Variants in GADL1 observed in about 807,000 individuals in gnomAD.
GADL1 encodes the protein GAD like acidic amino acid decarboxylase 1.
A neutral mutation model predicts 69.5 loss-of-function variants in GADL1; 71 were observed. The observed-to-expected ratio is 1.02, with a 90% CI of 0.84 to 1.25. The LOEUF is 1.25. Among genes scored for constraint, GADL1 ranks in the 50% most tolerant of loss-of-function variants. GADL1 has a pLI of 0.00. For missense variants in GADL1, 737 were observed against 631.8 expected (o/e 1.17, Z -1.79); for synonymous variants, 254 against 214.4 (o/e 1.18, Z -1.62).
intron 14 of GADL1, among the ~76,000 whole-genome samples, chr3:30,767,337 A>G (rs762624621): frequency 6.6e-6 from 1 of 152,202 alleles, no homozygotes; most frequent in Non-Finnish European, 1.5e-5. Context: ...CAAAAGATCC[A>G]GGAGGATAGA....
chr3:30,810,051 TGC>T (rs1697322890), intron 11 of GADL1, among the ~76,000 whole-genome samples: 1 of 152,226 alleles, frequency 6.6e-6, no homozygotes, highest in Non-Finnish European at 1.5e-5. Flanking sequence ...GTGAACAGTC[TGC>T]CCTGTTCTCT....
At chr3:30,853,285 C>T (rs78191180) in intron 4 of GADL1, among the ~76,000 whole-genome samples, 1 of 152,128 alleles carries the variant, frequency 6.6e-6, no homozygotes, top group African/African-American at 2.4e-5. Context: ...GCATGGGGCA[C>T]AGCCACAGAA....
At chr3:30,756,948 G>C (rs549721884) in intron 14 of GADL1, among the ~76,000 whole-genome samples, 11 of 152,276 alleles carry the variant, frequency 7.2e-5, no homozygotes, top group African/African-American at 2.6e-4. Flanking sequence ...GAGTCCATGG[G>C]GGGGACATGT....
chr3:30,822,451 A>C (rs1030435390), intron 11 of GADL1, among the ~76,000 whole-genome samples: 3 of 152,054 alleles, frequency 2.0e-5, no homozygotes, highest in African/African-American at 7.2e-5. Flanking sequence ...AAATATTCTC[A>C]AGCTTCTTTA....
intron 14 of GADL1, among the ~76,000 whole-genome samples, chr3:30,736,233 A>G (rs2125470770): frequency 6.6e-6 from 1 of 152,224 alleles, no homozygotes; most frequent in African/African-American, 2.4e-5. Flanking sequence ...GTCCCAGTTC[A>G]GATGATAAAC....
At chr3:30,814,899 G>A (rs142796928) in intron 11 of GADL1, among the ~76,000 whole-genome samples, 1,567 of 151,632 alleles carry the variant, frequency 0.01, 17 homozygotes, top group Non-Finnish European at 0.013. Context: ...GGGAGGCGGA[G>A]ATTTCAATGA....
rs1698718759 is a variant in GADL1, at chr3:30,886,967, ATCATC to A, written c.37+7606_37+7610del. On this transcript the variant is annotated intron_variant, in intron 1 of 14. Transcript: ENST00000282538. ...GAGCCAGTGCTAAGTGTTTACAGGT[ATCATC>A]TCATGTCATCTTCACCACTACTCTG... Among the ~76,000 whole-genome samples, 3 of 152,190 alleles carry A rather than the reference ATCATC, an allele frequency of 2.0e-5. No individual in the cohort carries two copies. In the South Asian group the frequency reaches 6.2e-4, roughly 31 times the overall value.
rs561881761 is a variant in GADL1, at chr3:30,809,346, A to G, written c.1051-8258T>C. ...AGCTTGGAGAGAGAACTTATTTTTTATAAAGGGTCACAATTATTTTTTGAA... is the reference window on the plus strand; with the variant it reads ...AGCTTGGAGAGAGAACTTATTTTTTGTAAAGGGTCACAATTATTTTTTGAA... On this transcript the variant is annotated intron_variant, in intron 11 of 14. Transcript: ENST00000282538. Among the ~76,000 whole-genome samples the G allele has an allele frequency of 3.3e-5, 5 of 152,302 alleles. No homozygotes were observed. In the East Asian group the frequency reaches 7.7e-4, roughly 23 times the overall value.
intron 14 of GADL1, among the ~76,000 whole-genome samples, chr3:30,752,241 G>A (rs963361291): frequency 6.6e-6 from 1 of 152,158 alleles, no homozygotes; most frequent in South Asian, 2.1e-4. Context: ...ACTTAAGGGA[G>A]GCTAGATCCA....
chr3:30,764,487 GTAGT>G (rs2125487689), intron 14 of GADL1, among the ~76,000 whole-genome samples: 1 of 152,294 alleles, frequency 6.6e-6, no homozygotes, highest in South Asian at 2.1e-4. Context: ...AGAGCCAAGT[GTAGT>G]TACATTTTCT....
rs968840029 is a variant in GADL1 at position 30,844,150 on chromosome 3, C to T, written c.786+60G>A. On this transcript the variant is annotated intron_variant, in intron 8 of 14. Coordinates refer to ENST00000282538, the MANE Select transcript of GADL1 (RefSeq NM_207359.3). ...CTTGCTATTCCCTCTCTTTCATAAG[C>T]GCGCGGGCGTGCGCGCACACACACA... 18 of 1,310,446 alleles carry T rather than the reference C, an allele frequency of 1.4e-5. 1 individual carries two copies. Among genetic ancestry groups the T allele is most frequent in the South Asian group, 2.7e-5 (2 of 75,210 alleles). The allele number at this position is 1,310,446 out of a possible 1,614,324, so 81.2% of individuals were successfully genotyped here. A position where few individuals can be genotyped will look rare whatever the true frequency, so the allele number is the denominator to read the frequency against.
chr3:30,742,479 C>T (rs1258586625), intron 14 of GADL1, among the ~76,000 whole-genome samples: 6 of 152,006 alleles, frequency 3.9e-5, no homozygotes, highest in Admixed American at 3.9e-4. Flanking sequence ...CAACTTTGTA[C>T]ATCTACTGCA....
chr3:30,800,886 TA>T lies in GADL1; in HGVS notation c.1250+2del. 1 of 1,568,036 alleles carries T rather than the reference TA, an allele frequency of 6.4e-7. No individual in the cohort carries two copies. The highest frequency in any genetic ancestry group is 2.3e-5 in the East Asian group (1 of 43,394). ...AGAGAGAGAGAGAGAGAGAGGCTAG[TA>T]CCTAGATAAAGCAAGAGCACGATTA... On this transcript the variant is annotated splice_donor_variant, in intron 12 of 14. Coordinates refer to ENST00000282538, the MANE Select transcript of GADL1 (RefSeq NM_207359.3). LOFTEE classifies it high-confidence loss of function.
chr3:30,773,465 GAA>G (rs1696464978), intron 14 of GADL1, among the ~76,000 whole-genome samples: 1 of 152,060 alleles, frequency 6.6e-6, no homozygotes, highest in South Asian at 2.1e-4. Flanking sequence ...AAATATAAAA[GAA>G]ATCGCCTGCA....
intron 12 of GADL1, chr3:30,799,159 G>C (rs1325451175): frequency 6.6e-6 from 1 of 152,216 alleles, no homozygotes; most frequent in Non-Finnish European, 1.5e-5. Flanking sequence ...CTGTGTGGGG[G>C]CTCTGACCCC....
At chr3:30,825,752 T>C (rs1697670917) in intron 11 of GADL1, among the ~76,000 whole-genome samples, 1 of 151,712 alleles carries the variant, frequency 6.6e-6, no homozygotes, top group African/African-American at 2.4e-5. Flanking sequence ...GCGGGGAATA[T>C]CACACACCAG....
rs1166450563 is a variant in GADL1, at chr3:30,861,674, T to G, written c.129A>C (p.Lys43Asn). The change falls in exon 2 of 15, where the codon AAA (lysine) becomes AAC (asparagine). Residue 43 changes from lysine (K) to asparagine (N), a missense_variant. By Grantham distance (94) the Lys-to-Asn change is moderately conservative. Transcript: ENST00000282538. ...CCTCTTCAACAAATTTTTCTCCAGC[T>G]TTTGCATCTGTTGTAGGACCATTCA... ...VVLNGPTTDAKAGEKFVEEAC... is the reference protein window; with the variant it reads ...VVLNGPTTDANAGEKFVEEAC... 6.5e-7 allele frequency: 1 copy of G among 1,550,330 alleles called. No individual in the cohort carries two copies. The highest frequency in any genetic ancestry group is 8.7e-7 in the Non-Finnish European group (1 of 1,145,970).
intron 1 of GADL1, among the ~76,000 whole-genome samples, chr3:30,889,738 A>C (rs1049927217): frequency 1.3e-5 from 2 of 152,192 alleles, no homozygotes; most frequent in African/African-American, 2.4e-5. Context: ...AAAGAGTTAG[A>C]GGAGGGCAAA....
At chr3:30,813,580 G>A (rs1376267560) in intron 11 of GADL1, among the ~76,000 whole-genome samples, 1 of 152,220 alleles carries the variant, frequency 6.6e-6, no homozygotes, top group Non-Finnish European at 1.5e-5. Flanking sequence ...AATTTTACCT[G>A]TAGCAGTAAG....
Sources: gnomAD v4.1 joint callset for allele counts (sites outside exome capture counted in the v4.1 genomes callset) on GRCh38, gnomAD v4.1.1 for gene constraint, MANE v1.5 for transcripts, NCBI Gene and HGNC (gene_info 2026-07-23, HGNC 2026-07-21) for gene names.